MCTP1: variants seen among roughly 807,000 people sequenced by gnomAD.
The protein encoded by MCTP1 is multiple C2 and transmembrane domain-containing protein 1.
A neutral mutation model predicts 120.6 loss-of-function variants in MCTP1; 69 were observed. That is an observed-to-expected ratio of 0.57 (90% confidence interval 0.47 to 0.70). The LOEUF (loss-of-function observed/expected upper bound fraction) is 0.70, where lower values mean the gene tolerates loss of function less well. Ranked by LOEUF, MCTP1 falls within the 30% of genes least tolerant of loss-of-function variation. MCTP1 has a pLI of 0.00. For missense variants in MCTP1, 1,203 were observed against 1,248.8 expected (o/e 0.96, Z 0.55); for synonymous variants, 529 against 493.1 (o/e 1.07, Z -0.96).
chr5:94,724,870 A>T (rs1224923506), intron 19 of MCTP1, among the ~76,000 whole-genome samples: 1 of 152,156 alleles, frequency 6.6e-6, no homozygotes. Context: ...GATGGACTCC[A>T]AGTGAAAGGG....
chr5:94,735,041 A>G (rs946366161), intron 19 of MCTP1, among the ~76,000 whole-genome samples: 1 of 152,196 alleles, frequency 6.6e-6, no homozygotes, highest in African/African-American at 2.4e-5. Context: ...GTGTGAGTGT[A>G]TCTGTAGTAT....
chr5:95,065,270 A>G (rs1388045158), intron 1 of MCTP1, among the ~76,000 whole-genome samples: 2 of 152,026 alleles, frequency 1.3e-5, no homozygotes, highest in African/African-American at 4.8e-5. Context: ...CTTTAAGGCC[A>G]ATAATTGAAT....
At chr5:94,904,294 T>C (rs1489141707) in intron 10 of MCTP1, among the ~76,000 whole-genome samples, 6 of 152,180 alleles carry the variant, frequency 3.9e-5, no homozygotes, top group Non-Finnish European at 5.9e-5. Context: ...GATCAATCAC[T>C]CCACTGGCTG....
At chr5:94,952,666 G>T (rs1820919479) in intron 3 of MCTP1, among the ~76,000 whole-genome samples, 1 of 152,162 alleles carries the variant, frequency 6.6e-6, no homozygotes, top group Non-Finnish European at 1.5e-5. Flanking sequence ...CTCAGAATAG[G>T]AACTAGGTTG....
intron 1 of MCTP1, among the ~76,000 whole-genome samples, chr5:95,173,779 C>A: frequency 6.6e-6 from 1 of 150,804 alleles, no homozygotes; most frequent in Non-Finnish European, 1.5e-5. Flanking sequence ...AAATAAACAA[C>A]CACAAAGCAA....
At chr5:94,791,112 C>CA (rs60394333) in intron 18 of MCTP1, among the ~76,000 whole-genome samples, 38,251 of 99,438 alleles carry the variant, frequency 0.38, 6,615 homozygotes, top group East Asian at 0.59. Flanking sequence ...GTCTCTACTA[C>CA]AAAAAAAAAA....
At chr5:94,954,125 AAT>A (rs1196045398) in intron 2 of MCTP1, among the ~76,000 whole-genome samples, 1,013 of 72,958 alleles carry the variant, frequency 0.014, 192 homozygotes, top group African/African-American at 0.053. Context: ...TATATATACA[AAT>A]ATATATATGC....
chr5:94,944,581 G>A (rs1311532239), intron 3 of MCTP1, among the ~76,000 whole-genome samples: 2 of 152,176 alleles, frequency 1.3e-5, no homozygotes, highest in African/African-American at 4.8e-5. Context: ...GAGGTTGAGA[G>A]CTGTGAATCC....
rs985244801 is a variant in MCTP1 at position 95,284,149 on chromosome 5, C to T, written c.427G>A (p.Ala143Thr). ...CGTCCGCCAGGAGGCGTCCCTCCCG[C>T]TGCTCCCGAGGCCGCCGCGGGCCCC... ...VKGPAAASGA[A>T]GGTPPGGRSP... Residue 143 changes from alanine to threonine, a missense_variant, in exon 1 of 23, where the codon GCG becomes ACG. Physicochemically the swap from Ala to Thr is moderately conservative, Grantham distance 58. Transcript: ENST00000515393. This position sits in a 1 kb window ranked among gnomAD's most constrained non-coding sequence, Gnocchi z 5.2. 2 of 1,559,734 alleles carry T rather than the reference C, an allele frequency of 1.3e-6. No homozygotes were observed. The highest frequency in any genetic ancestry group is 1.7e-6 in the Non-Finnish European group (2 of 1,152,458).
intron 1 of MCTP1, among the ~76,000 whole-genome samples, chr5:95,222,331 A>C (rs1753784395): frequency 6.6e-6 from 1 of 152,224 alleles, no homozygotes; most frequent in African/African-American, 2.4e-5. Context: ...CCCAGGTAAA[A>C]ATTAGGGATT....
At chr5:95,009,568 T>C (rs1167679148) in intron 2 of MCTP1, among the ~76,000 whole-genome samples, 1 of 151,212 alleles carries the variant, frequency 6.6e-6, no homozygotes, top group Non-Finnish European at 1.5e-5. Flanking sequence ...ATGATACATA[T>C]TCATATATAT....
chr5:95,284,139 G>C lies in MCTP1; in HGVS notation c.437C>G (p.Thr146Arg). ...PAAASGAAGG[T>R]PPGGRSPDSA... The stretch of plus-strand genomic sequence containing the variant: ...GTCGGGGGAGCGTCCGCCAGGAGGC[G>C]TCCCTCCCGCTGCTCCCGAGGCCGC... Residue 146 changes from threonine (T) to arginine (R), a missense_variant, in exon 1 of 23, where the codon ACG (threonine) becomes AGG (arginine). Around this residue, in one of 2 missense-constraint regions of MCTP1, gnomAD observed 463 missense variants for 377.8 expected, o/e 1.23. Transcript: ENST00000515393. This position sits in a 1 kb window ranked among gnomAD's most constrained non-coding sequence, Gnocchi z 5.2. 6.4e-7 allele frequency: 1 copy of C among 1,554,806 alleles called. No homozygotes were observed. The highest frequency in any genetic ancestry group is 8.7e-7 in the Non-Finnish European group (1 of 1,149,750).
At chr5:94,905,124 G>A (rs1806483242) in intron 10 of MCTP1, among the ~76,000 whole-genome samples, 2 of 152,180 alleles carry the variant, frequency 1.3e-5, no homozygotes, top group Admixed American at 6.5e-5. Context: ...CAAGGCAGGT[G>A]AGTGGATCCC....
intron 1 of MCTP1, among the ~76,000 whole-genome samples, chr5:95,200,822 G>A (rs1485917011): frequency 3.3e-5 from 5 of 152,256 alleles, no homozygotes; most frequent in East Asian, 1.9e-4. Flanking sequence ...AAACTGATGC[G>A]TATGTGAGGT....
chr5:95,076,705 G>C lies in MCTP1; in HGVS notation c.721-59221C>G, dbSNP rs186752064. Reference sequence around the variant, plus strand: ...TCAAATGTATTTCAAATAACACAACGCATCTGTACATAAAGGAATAGAATG... The same window carrying C: ...TCAAATGTATTTCAAATAACACAACCCATCTGTACATAAAGGAATAGAATG... On this transcript the variant is annotated intron_variant, in intron 1 of 22. Coordinates refer to ENST00000515393, the MANE Select transcript of MCTP1 (RefSeq NM_024717.7). 3.0e-3 allele frequency among the ~76,000 whole-genome samples: 463 copies of C among 152,180 alleles called. 4 individuals are homozygous for C. The highest frequency in any genetic ancestry group is 3.3e-3 in the Non-Finnish European group (221 of 67,998).
intron 1 of MCTP1, among the ~76,000 whole-genome samples, chr5:95,036,752 C>T (rs59678667): frequency 0.036 from 5,437 of 152,244 alleles, 110 homozygotes; most frequent in African/African-American, 0.05. Flanking sequence ...AATGAATGTA[C>T]TACTTCTTTT....
Position 95,120,176 on chromosome 5 carries a change from C to CAAAAAAAAA in MCTP1, c.721-102701_721-102693dup, listed in dbSNP as rs56354602. 1.7e-5 allele frequency among the ~76,000 whole-genome samples: 2 copies of CAAAAAAAAA among 118,212 alleles called. 1 individual carries two copies. 77.6% of individuals were successfully genotyped at this position (118,212 alleles called of 152,430 possible). A position where few individuals can be genotyped will look rare whatever the true frequency, so the allele number is the denominator to read the frequency against. On this transcript the variant is annotated intron_variant, in intron 1 of 22. Transcript: ENST00000515393. Reference sequence around the variant, plus strand: ...TGGGCGACAGAGCAAGACTCCATCTCAAAAAAAAAAAAAAAAAGTCTCCCA... The same window carrying CAAAAAAAAA: ...TGGGCGACAGAGCAAGACTCCATCTCAAAAAAAAAAAAAAAAAAAAAAAAAAGTCTCCCA...
intron 1 of MCTP1, among the ~76,000 whole-genome samples, chr5:95,055,867 A>C (rs145085593): frequency 6.6e-6 from 1 of 152,198 alleles, no homozygotes; most frequent in African/African-American, 2.4e-5. Flanking sequence ...TTAAAACAAT[A>C]CCTGGCTTAT....
chr5:94,859,496 G>A (rs1348996963), intron 17 of MCTP1, among the ~76,000 whole-genome samples: 2 of 151,716 alleles, frequency 1.3e-5, no homozygotes, highest in Non-Finnish European at 3.0e-5. Flanking sequence ...TGCTGCTTAT[G>A]CTAATTACTC....
Sources: gnomAD v4.1 joint callset for allele counts (sites outside exome capture counted in the v4.1 genomes callset) on GRCh38, gnomAD v4.1.1 for gene constraint, gnomAD v4.1.1 regional missense constraint, Gnocchi (gnomAD v3.1) non-coding constraint, MANE v1.5 for transcripts, NCBI Gene and HGNC (gene_info 2026-07-23, HGNC 2026-07-21) for gene names.